CIMAP1D: variants seen among roughly 807,000 people sequenced by gnomAD.
CIMAP1D encodes the protein CIMAP1 family member D.
chr19:469,124 C>CT, the CIMAP1D span, among the ~76,000 whole-genome samples: 1 of 152,176 alleles, frequency 6.6e-6, no homozygotes, highest in Admixed American at 6.5e-5. Flanking sequence ...CAGCCTCATC[C>CT]TTTGTTAGAC....
At chr19:480,889 G>A in the CIMAP1D span, among the ~76,000 whole-genome samples, 1 of 145,878 alleles carries the variant, frequency 6.9e-6, no homozygotes, top group Non-Finnish European at 1.5e-5. Context: ...GATGGAGAAC[G>A]ATGATGGAGA....
chr19:463,781 CA>C, the CIMAP1D span: 1 of 1,530,114 alleles, frequency 6.5e-7, no homozygotes, highest in African/African-American at 1.5e-5. Flanking sequence ...CCCCTCCAGC[CA>C]AAGCCAGGCC....
the CIMAP1D span, among the ~76,000 whole-genome samples, chr19:482,439 G>C: frequency 3.3e-5 from 5 of 152,180 alleles, no homozygotes; most frequent in Admixed American, 1.3e-4. Flanking sequence ...GACATTCTTG[G>C]CTGCCAGGAC....
chr19:472,368 TC>T, the CIMAP1D span: 1 of 1,360,522 alleles, frequency 7.4e-7, no homozygotes, highest in Non-Finnish European at 9.8e-7. Flanking sequence ...CAGGGAAGCC[TC>T]CAGCCGCCCA....
chr19:480,732 G>A, the CIMAP1D span, among the ~76,000 whole-genome samples: 1 of 147,718 alleles, frequency 6.8e-6, no homozygotes, highest in Non-Finnish European at 1.5e-5. Flanking sequence ...AGGATGATGG[G>A]AAGGATGATG....
At chr19:482,118 C>T in the CIMAP1D span, among the ~76,000 whole-genome samples, 7 of 152,256 alleles carry the variant, frequency 4.6e-5, no homozygotes, top group South Asian at 2.1e-4. Flanking sequence ...AAGAGAAACA[C>T]GTGAAATTAA....
chr19:474,573 G>T, the CIMAP1D span: 1 of 1,444,636 alleles, frequency 6.9e-7, no homozygotes, highest in South Asian at 1.5e-5. Flanking sequence ...GAAGTATGGG[G>T]AGTGGAGCAG....
At chr19:485,433 G>A in the CIMAP1D span, among the ~76,000 whole-genome samples, 1 of 152,256 alleles carries the variant, frequency 6.6e-6, no homozygotes, top group Non-Finnish European at 1.5e-5. Context: ...CAATAGTCCA[G>A]ATGACAGACA....
At chr19:484,546 C>T in the CIMAP1D span, among the ~76,000 whole-genome samples, 3 of 152,192 alleles carry the variant, frequency 2.0e-5, no homozygotes, top group African/African-American at 4.8e-5. Flanking sequence ...TCTTCACATA[C>T]GGTGGCCAGG....
chr19:477,568 C>G, the CIMAP1D span, among the ~76,000 whole-genome samples: 1 of 151,748 alleles, frequency 6.6e-6, no homozygotes, highest in African/African-American at 2.4e-5. Flanking sequence ...GCCTGAGTGA[C>G]AGAGCGAGAC....
At chr19:488,804 G>A in the CIMAP1D span, among the ~76,000 whole-genome samples, 1 of 152,202 alleles carries the variant, frequency 6.6e-6, no homozygotes, top group Non-Finnish European at 1.5e-5. Context: ...TGGGCGAACG[G>A]CCAGGCCTCC....
chr19:472,472 A>G, the CIMAP1D span: 412 of 1,546,062 alleles, frequency 2.7e-4, no homozygotes, highest in Non-Finnish European at 1.7e-4. Flanking sequence ...CCCACGGTGG[A>G]CGGCAGGACA....
At chr19:476,803 G>A in the CIMAP1D span, among the ~76,000 whole-genome samples, 1 of 152,124 alleles carries the variant, frequency 6.6e-6, no homozygotes, top group African/African-American at 2.4e-5. Flanking sequence ...CATCACAAAG[G>A]AAGTTAGAAA....
the CIMAP1D span, among the ~76,000 whole-genome samples, chr19:465,156 T>G: frequency 1.8e-4 from 18 of 102,840 alleles, no homozygotes; most frequent in South Asian, 3.3e-4. Context: ...GGTGGGTGGG[T>G]GGATGGCTGG....
At chr19:475,986 ATTTTTT>A in the CIMAP1D span, among the ~76,000 whole-genome samples, 17 of 39,274 alleles carry the variant, frequency 4.3e-4, no homozygotes, top group African/African-American at 2.0e-3. Flanking sequence ...CGCCTGGCTA[ATTTTTT>A]TTTTTTTTTT....
the CIMAP1D span, among the ~76,000 whole-genome samples, chr19:466,532 A>C: frequency 6.9e-6 from 1 of 145,194 alleles, no homozygotes; most frequent in Non-Finnish European, 1.5e-5. Flanking sequence ...GGATAGATGG[A>C]TGAGTTGGTG....
chr19:467,789 G>C, the CIMAP1D span: 2 of 1,438,438 alleles, frequency 1.4e-6, no homozygotes, highest in South Asian at 2.5e-5. Flanking sequence ...AGAGTGCTGA[G>C]AGTGATTCTG....
the CIMAP1D span, chr19:463,893 G>T: frequency 5.6e-6 from 9 of 1,611,098 alleles, no homozygotes; most frequent in East Asian, 1.8e-4. Context: ...GGAGGGCGTG[G>T]TGGCGGCCAT....
chr19:475,930 C>T, the CIMAP1D span, among the ~76,000 whole-genome samples: 2 of 150,910 alleles, frequency 1.3e-5, no homozygotes, highest in African/African-American at 2.4e-5. Flanking sequence ...CCCGCCACCA[C>T]GCCTGACTAA....
Sources: allele counts gnomAD v4.1 joint callset (sites outside exome capture counted in the v4.1 genomes callset), GRCh38; gene constraint gnomAD v4.1.1; transcripts MANE v1.5; gene names NCBI Gene and HGNC (gene_info 2026-07-23, HGNC 2026-07-21).